Variants in MBD6 observed in about 807,000 individuals in gnomAD.
The protein encoded by MBD6 is methyl-CpG-binding domain protein 6.
Under a neutral mutation model 66.8 loss-of-function variants are expected in MBD6, and 22 were observed. The observed-to-expected ratio is 0.33, with a 90% CI of 0.24 to 0.47. The LOEUF (loss-of-function observed/expected upper bound fraction) is 0.47. Among genes scored for constraint, MBD6 ranks in the 20% least tolerant of loss-of-function variants. The pLI, the probability that MBD6 is intolerant of heterozygous loss-of-function variation, is 1.00. For missense variants in MBD6, 1,322 were observed against 1,286.9 expected, an observed-to-expected ratio of 1.03 and a Z score of -0.42; for synonymous variants, 540 against 534.6, an observed-to-expected ratio of 1.01 and a Z score of -0.14.
Position 57,527,026 on chromosome 12 carries a change from C to T in MBD6, c.1881C>T (p.Pro627=), listed in dbSNP as rs374463380. Residue 627 remains proline, a synonymous_variant, in exon 7 of 13, where the codon CCC becomes CCT. Transcript: ENST00000355673. ...GCAACCTCCTTGCCTCTTTCCTGCC[C>T]CTGTTGGCTCTGGGCCCCACAGCTG... is the stretch of plus-strand genomic sequence containing the variant. ...PPSNLLASFL[P]LLALGPTAGD... The T allele has an allele frequency of 1.1e-5, 17 of 1,612,612 alleles. No homozygotes were observed. The highest frequency in any genetic ancestry group is 1.2e-5 in the Non-Finnish European group (14 of 1,179,190).
intron 1 of MBD6, 32 bp downstream of exon 1, chr12:57,523,043 C>CCCCTCCCCCTCCCGT (rs1878518050): frequency 7.1e-6 from 1 of 140,514 alleles, no homozygotes; most frequent in Non-Finnish European, 1.6e-5. Flanking sequence ...CCCCACCCTG[C>CCCCTCCCCCTCCCGT]CCCTCCCCCT....
rs1262962090 is a variant in MBD6, at chr12:57,524,391, C to G, written c.88C>G (p.Arg30Gly). 1.3e-6 allele frequency: 2 copies of G among 1,595,850 alleles called. No individual in the cohort carries two copies. The highest frequency in any genetic ancestry group is 1.7e-6 in the Non-Finnish European group (2 of 1,171,264). ...CCCCATCGGCTGGCAGCGCTGTGTG[C>G]GAGAGGGTGCTGTGCTCTACATCAG... is the stretch of plus-strand genomic sequence containing the variant. ...SVPIGWQRCV[R>G]EGAVLYISPS... Residue 30 changes from arginine to glycine, a missense_variant, in exon 3 of 13, where the codon CGA (arginine) becomes GGA (glycine). Arg to Gly is a moderately radical substitution (Grantham distance 125). Transcript: ENST00000355673.
In MBD6 at chr12:57,525,430, A is replaced by G; in HGVS notation, c.462A>G (p.Thr154=). 1 of 1,536,850 alleles carries G rather than the reference A, an allele frequency of 6.5e-7. No individual in the cohort carries two copies. The highest frequency in any genetic ancestry group is 8.7e-7 in the Non-Finnish European group (1 of 1,148,260). ...GCCCTCCCTGTCGAGTTCCTCCTAC[A>G]ACTCCACTTAATGGGGGTCCTGGCT... ...SARPPCRVPP[T]TPLNGGPGSL... The change falls in exon 6 of 13, where the codon ACA becomes ACG. Residue 154 remains threonine, a synonymous_variant. Transcript: ENST00000355673.
At position 57,527,557 on chromosome 12, in the gene MBD6, C is replaced by G. The variant is rs1879093427; in HGVS notation, c.2133C>G (p.Thr711=). The change falls in exon 8 of 13, where the codon ACC becomes ACG. Residue 711 remains threonine (T), a synonymous_variant. Coordinates refer to ENST00000355673, the MANE Select transcript of MBD6 (RefSeq NM_052897.4). ...CTGGACCACCTACCTCCAGTGTCAC[C>G]ACGGCAACTACTGACCCGGGGGCCT... is the stretch of plus-strand genomic sequence containing the variant. ...PQPGPPTSSV[T]TATTDPGASS... is the part of the protein sequence containing the mutation. 1.2e-6 allele frequency: 2 copies of G among 1,614,020 alleles called. No individual in the cohort carries two copies. Among genetic ancestry groups the G allele is most frequent in the African/African-American group, 2.7e-5 (2 of 74,924 alleles).
In MBD6 at chr12:57,527,476, C is replaced by T. The variant is rs986819254; in HGVS notation, c.2083-31C>T. On this transcript the variant is annotated intron_variant, in intron 7 of 12. Coordinates refer to ENST00000355673, the MANE Select transcript of MBD6 (RefSeq NM_052897.4). ...ATAAATCTGTTGAGTATTTTACACGCGTAAGTGTTAGAATCATTCTTTTTT... is the reference window on the plus strand; with the variant it reads ...ATAAATCTGTTGAGTATTTTACACGTGTAAGTGTTAGAATCATTCTTTTTT... 14 of 1,611,386 alleles carry T rather than the reference C, an allele frequency of 8.7e-6. 1 individual carries two copies. Among genetic ancestry groups the T allele is most frequent in the South Asian group, 5.5e-5 (5 of 91,030 alleles).
Position 57,525,783 on chromosome 12 carries a change from T to G in MBD6, c.815T>G (p.Leu272Arg). 5.1e-6 allele frequency: 4 copies of G among 782,726 alleles called. No individual in the cohort carries two copies. The highest frequency in any genetic ancestry group is 7.5e-6 in the Non-Finnish European group (4 of 532,450). 48.5% of individuals were successfully genotyped at this position (782,726 alleles called of 1,614,324 possible). A position where few individuals can be genotyped will look rare whatever the true frequency, so the allele number is the denominator to read the frequency against. ...AGTGATGCCTTAACACCCCCTCCCC[T>G]GCCCCCGAGCAATAATCTCCCCGCC... ...HCSDALTPPP[L>R]PPSNNLPAHP... Residue 272 changes from leucine (L) to arginine (R), a missense_variant, in exon 6 of 13, where the codon CTG becomes CGG. Physicochemically the swap from Leu to Arg is moderately radical, Grantham distance 102. Transcript: ENST00000355673.
chr12:57,522,445 A>T (rs1878418072), upstream of MBD6, among the ~76,000 whole-genome samples: 2 of 151,734 alleles, frequency 1.3e-5, no homozygotes, highest in Non-Finnish European at 2.9e-5. Flanking sequence ...CCCCTCCCGG[A>T]CCTGGCATTC....
In MBD6 at chr12:57,529,418, ACC is replaced by A; in HGVS notation, c.*192_*193del. The stretch of plus-strand genomic sequence containing the variant: ...GCCATTGCAGGGGGCAGGGAAGTTC[ACC>A]CCCCCCCACCACCCCCCCGCCCCCC... On this transcript the variant is annotated 3_prime_UTR_variant, in exon 13 of 13. Coordinates refer to ENST00000355673, the MANE Select transcript of MBD6 (RefSeq NM_052897.4). 8.7e-6 allele frequency: 3 copies of A among 345,614 alleles called. No individual in the cohort carries two copies. The highest frequency in any genetic ancestry group is 1.5e-5 in the Non-Finnish European group (3 of 198,420). The allele number at this position is 345,614 out of a possible 1,614,324, so 21.4% of individuals were successfully genotyped here.
chr12:57,530,624 A>G (rs376585690), downstream of MBD6: 49 of 1,370,816 alleles, frequency 3.6e-5, no homozygotes, highest in African/African-American at 5.7e-4. Context: ...GGGAAACCCT[A>G]TGTAAGCTGT....
rs756805545 is a variant in MBD6 at position 57,525,554 on chromosome 12, G to A, written c.586G>A (p.Gly196Arg). The A allele has an allele frequency of 5.6e-6, 9 of 1,607,460 alleles. No individual in the cohort carries two copies. The East Asian group carries it at 2.0e-4, about 36-fold the overall frequency. ...AAGGCTTGCTGACCCAGTCCCTTCT[G>A]GGGGCAGTAGCAGCCCCCGTTTCCT... ...PPRLADPVPS[G>R]GSSSPRFLPR... The change falls in exon 6 of 13, where the codon GGG (glycine) becomes AGG (arginine). Residue 196 changes from glycine to arginine, a missense_variant. Coordinates refer to ENST00000355673, the MANE Select transcript of MBD6 (RefSeq NM_052897.4).
chr12:57,529,384 C>A lies in MBD6; in HGVS notation c.*150C>A. 9.0e-6 allele frequency: 6 copies of A among 663,118 alleles called. No homozygotes were observed. The highest frequency in any genetic ancestry group is 1.5e-5 in the Non-Finnish European group (6 of 390,942). The allele number at this position is 663,118 out of a possible 1,614,324, so 41.1% of individuals were successfully genotyped here. A position where few individuals can be genotyped will look rare whatever the true frequency, so the allele number is the denominator to read the frequency against. On this transcript the variant is annotated 3_prime_UTR_variant, in exon 13 of 13. Transcript: ENST00000355673. ...AAATGCAACTCCTTCCCCTACAATCCCATCCTGAGCCATTGCAGGGGGCAG... is the reference window on the plus strand; with the variant it reads ...AAATGCAACTCCTTCCCCTACAATCACATCCTGAGCCATTGCAGGGGGCAG...
upstream of MBD6, chr12:57,522,642 C>T (rs1452297628): frequency 3.9e-5 from 6 of 152,508 alleles, no homozygotes; most frequent in African/African-American, 1.4e-4. Context: ...CCCGCATGCG[C>T]ACTGCAGCCC....
intron 11 of MBD6, 21 bp from the exon 12 acceptor site, chr12:57,528,925 C>T (rs1317084058): frequency 6.2e-7 from 1 of 1,612,854 alleles, no homozygotes; most frequent in Admixed American, 1.7e-5. Flanking sequence ...TGTTCCTGAT[C>T]ATCTGTGCCC....
intron 1 of MBD6, 24 bp downstream of exon 1, chr12:57,523,035 C>T (rs1341791384): frequency 7.0e-6 from 1 of 142,660 alleles, no homozygotes; most frequent in Non-Finnish European, 1.6e-5. Context: ...CCGGCCCCCC[C>T]CACCCTGCCC....
At chr12:57,528,829 A>G in intron 11 of MBD6, 111 bp downstream of exon 11, 1 of 1,595,622 alleles carries the variant, frequency 6.3e-7, no homozygotes, top group Non-Finnish European at 8.6e-7. Context: ...TCTTATTTGA[A>G]TATGAATAAG....
rs180942954 is a variant in MBD6, at chr12:57,524,139, T to C, written c.-25+47T>C. 143 of 473,364 alleles carry C rather than the reference T, an allele frequency of 3.0e-4. 1 individual carries two copies. In the East Asian group the frequency reaches 3.9e-3, roughly 13 times the overall value. The allele number at this position is 473,364 out of a possible 1,614,324, so 29.3% of individuals were successfully genotyped here. Reference sequence around the variant, plus strand: ...AGGACTCCTCAGTCTCCCTCCCAGCTGAGGGGTTCCCCTTGCTCCTCTGGG... The same window carrying C: ...AGGACTCCTCAGTCTCCCTCCCAGCCGAGGGGTTCCCCTTGCTCCTCTGGG... On this transcript the variant is annotated intron_variant, in intron 2 of 12. Transcript: ENST00000355673.
chr12:57,523,333 G>C (rs1250659512), intron 1 of MBD6: 2 of 152,194 alleles, frequency 1.3e-5, no homozygotes, highest in Non-Finnish European at 2.9e-5. Context: ...CCGCCAGTGT[G>C]GGGTGGGAGC....
rs1333731134 is a variant in MBD6, at chr12:57,525,446, G to A, written c.478G>A (p.Gly160Ser). 3.3e-6 allele frequency: 5 copies of A among 1,535,880 alleles called. No homozygotes were observed. Among genetic ancestry groups the A allele is most frequent in the Non-Finnish European group, 4.4e-6 (5 of 1,146,496 alleles). The change falls in exon 6 of 13, where the codon GGT (glycine) becomes AGT (serine). Residue 160 changes from glycine to serine, a missense_variant. Coordinates refer to ENST00000355673, the MANE Select transcript of MBD6 (RefSeq NM_052897.4). ...TCCTCCTACAACTCCACTTAATGGG[G>A]GTCCTGGCTCCCTTCCCCCAGAACC... ...RVPPTTPLNG[G>S]PGSLPPEPPS...
chr12:57,530,693 T>C, downstream of MBD6: 1 of 1,613,762 alleles, frequency 6.2e-7, no homozygotes, highest in Non-Finnish European at 8.5e-7. Context: ...ATGTGCTCAC[T>C]TTCCCAGCTT....
Sources: allele counts gnomAD v4.1 joint callset (sites outside exome capture counted in the v4.1 genomes callset), GRCh38; gene constraint gnomAD v4.1.1; transcripts MANE v1.5; gene names NCBI Gene and HGNC (gene_info 2026-07-23, HGNC 2026-07-21).